Variants in FSTL5 observed in about 807,000 individuals in gnomAD.
FSTL5 encodes follistatin like 5, also known as follistatin-related protein 5.
In FSTL5, 62 loss-of-function variants were observed where a neutral mutation model predicts 89.1. The ratio of observed to expected loss-of-function variants is 0.70; its 90% CI spans 0.57 to 0.86. FSTL5 has a LOEUF of 0.86. Ranked by LOEUF, FSTL5 falls within the 40% of genes least tolerant of loss-of-function variation. The pLI is 0.00. For synonymous variants in FSTL5, 383 were observed against 346.2 expected (o/e 1.11, Z -1.18); for missense variants, 1,057 against 1,001.6 (o/e 1.06, Z -0.75).
At chr4:161,554,643 CACTG>C (rs1321144947) in intron 8 of FSTL5, among the ~76,000 whole-genome samples, 2 of 151,640 alleles carry the variant, frequency 1.3e-5, no homozygotes, top group African/African-American at 4.8e-5. Flanking sequence ...AACAACTAAG[CACTG>C]ACTATTTTTT....
At chr4:161,602,893 T>C (rs1435651274) in intron 7 of FSTL5, among the ~76,000 whole-genome samples, 2 of 152,116 alleles carry the variant, frequency 1.3e-5, no homozygotes, top group African/African-American at 4.8e-5. Flanking sequence ...ATCTGCATTG[T>C]AAGAAATCCT....
chr4:162,019,429 TA>T lies in FSTL5; in HGVS notation c.160+14195del, dbSNP rs768761074. ...CATTGTTTTTCTGGATTATACCTTA[TA>T]AAAAATGACTGAAAGAGAATATATT... On this transcript the variant is annotated intron_variant, in intron 3 of 15. Coordinates refer to ENST00000306100, the MANE Select transcript of FSTL5 (RefSeq NM_020116.5). 1.7e-4 allele frequency among the ~76,000 whole-genome samples: 26 copies of T among 152,134 alleles called. No homozygotes were observed. In the South Asian group the frequency reaches 3.3e-3, roughly 19 times the overall value.
At chr4:161,618,692 T>C (rs1045739188) in intron 7 of FSTL5, among the ~76,000 whole-genome samples, 6 of 152,182 alleles carry the variant, frequency 3.9e-5, no homozygotes, top group Non-Finnish European at 5.9e-5. Context: ...TCATGGTGGA[T>C]AACCTTTTTG....
intron 4 of FSTL5, among the ~76,000 whole-genome samples, chr4:161,864,355 T>G (rs2126893261): frequency 6.6e-6 from 1 of 152,280 alleles, no homozygotes; most frequent in South Asian, 2.1e-4. Context: ...AGACAATATC[T>G]AAGTCATGTG....
At chr4:161,734,471 T>C (rs1340416249) in intron 6 of FSTL5, among the ~76,000 whole-genome samples, 1 of 152,210 alleles carries the variant, frequency 6.6e-6, no homozygotes, top group Non-Finnish European at 1.5e-5. Flanking sequence ...ACATGTCTCT[T>C]ATCTCTGGGC....
At chr4:161,407,227 T>C (rs567777098) in intron 15 of FSTL5, among the ~76,000 whole-genome samples, 5 of 152,208 alleles carry the variant, frequency 3.3e-5, no homozygotes, top group Admixed American at 6.5e-5. Context: ...CTCTAGAATC[T>C]CCTTGGAGAA....
intron 8 of FSTL5, among the ~76,000 whole-genome samples, chr4:161,572,405 G>A (rs1733051620): frequency 6.6e-6 from 1 of 150,616 alleles, no homozygotes; most frequent in Admixed American, 6.6e-5. Context: ...CTGACAAGTG[G>A]CAAAAGTGCT....
chr4:161,920,566 C>T lies in FSTL5; in HGVS notation c.247G>A (p.Gly83Arg). The T allele has an allele frequency of 6.2e-7, 1 of 1,613,970 alleles. No individual in the cohort carries two copies. The highest frequency in any genetic ancestry group is 8.5e-7 in the Non-Finnish European group (1 of 1,179,964). The change falls in exon 4 of 16, where the codon GGG (glycine) becomes AGG (arginine). Residue 83 changes from glycine (G) to arginine (R), a missense_variant. By Grantham distance (125) the Gly-to-Arg change is moderately radical. Around this residue, in one of 3 missense-constraint regions of FSTL5, gnomAD observed 980 missense variants for 903.2 expected, o/e 1.08. Coordinates refer to ENST00000306100, the MANE Select transcript of FSTL5 (RefSeq NM_020116.5). ...GRHCVTSRET[G>R]QAECACMDLC... ...TCCATACAGGCACATTCTGCTTGCCCTGTCTCTCTGCTGGTAACACAGTGT... is the reference window on the plus strand; with the variant it reads ...TCCATACAGGCACATTCTGCTTGCCTTGTCTCTCTGCTGGTAACACAGTGT...
intron 3 of FSTL5, among the ~76,000 whole-genome samples, chr4:162,018,695 C>T (rs1434015710): frequency 3.3e-5 from 5 of 151,646 alleles, no homozygotes; most frequent in Non-Finnish European, 5.9e-5. Context: ...AGTATTTTTT[C>T]TCAAGTTCCA....
chr4:162,139,075 T>G (rs1433954729), intron 1 of FSTL5, among the ~76,000 whole-genome samples: 1 of 152,076 alleles, frequency 6.6e-6, no homozygotes, highest in Non-Finnish European at 1.5e-5. Flanking sequence ...CCCCATATCT[T>G]TTCAGTTACT....
chr4:161,458,885 T>A (rs1414849590), intron 14 of FSTL5, among the ~76,000 whole-genome samples: 1 of 152,218 alleles, frequency 6.6e-6, no homozygotes, highest in Non-Finnish European at 1.5e-5. Context: ...GCTGTCGAAT[T>A]CTCTTTGTCT....
At chr4:161,937,164 C>G (rs1275098265) in intron 3 of FSTL5, among the ~76,000 whole-genome samples, 1 of 151,872 alleles carries the variant, frequency 6.6e-6, no homozygotes, top group Non-Finnish European at 1.5e-5. Context: ...CATAACAAAA[C>G]CTGTAATTTA....
intron 3 of FSTL5, among the ~76,000 whole-genome samples, chr4:161,962,838 G>A (rs1008652856): frequency 1.3e-5 from 2 of 151,900 alleles, no homozygotes; most frequent in African/African-American, 4.8e-5. Context: ...TATTTCTGAA[G>A]ACACTGTAAG....
Position 162,161,976 on chromosome 4 carries a change from A to G in FSTL5, c.-17+1639T>C, listed in dbSNP as rs569717747. 5.9e-5 allele frequency among the ~76,000 whole-genome samples: 9 copies of G among 152,112 alleles called. No homozygotes were observed. The South Asian group carries it at 1.9e-3, about 32-fold the overall frequency. On this transcript the variant is annotated intron_variant, in intron 1 of 15. Transcript: ENST00000306100. Reference sequence around the variant, plus strand: ...TTTATATATTCTTTTTTGCCCCTCTACCCAATCCAGGCTTTCAAAATTTGT... The same window carrying G: ...TTTATATATTCTTTTTTGCCCCTCTGCCCAATCCAGGCTTTCAAAATTTGT...
chr4:161,449,316 T>C (rs1733067273), intron 15 of FSTL5, among the ~76,000 whole-genome samples: 1 of 152,212 alleles, frequency 6.6e-6, no homozygotes, highest in Non-Finnish European at 1.5e-5. Context: ...ATCAATTTCC[T>C]AACTGCTGCA....
intron 15 of FSTL5, among the ~76,000 whole-genome samples, chr4:161,392,621 G>A (rs1213336152): frequency 6.6e-6 from 1 of 152,090 alleles, no homozygotes; most frequent in African/African-American, 2.4e-5. Context: ...ACATGAAACT[G>A]ACAACTATGT....
intron 15 of FSTL5, among the ~76,000 whole-genome samples, chr4:161,414,881 A>T (rs73860614): frequency 3.3e-5 from 5 of 152,186 alleles, no homozygotes; most frequent in African/African-American, 1.2e-4. Context: ...CTGGTCTCCT[A>T]TGTCTTAGTT....
At chr4:161,747,149 G>C (rs1740229714) in intron 6 of FSTL5, among the ~76,000 whole-genome samples, 1 of 152,120 alleles carries the variant, frequency 6.6e-6, no homozygotes, top group Non-Finnish European at 1.5e-5. Flanking sequence ...ATAATGTCAT[G>C]TAATAAGAAC....
chr4:161,762,039 T>C (rs1283106918), intron 5 of FSTL5, among the ~76,000 whole-genome samples: 1 of 152,170 alleles, frequency 6.6e-6, no homozygotes, highest in Non-Finnish European at 1.5e-5. Context: ...CACATCTTTA[T>C]TGAGGTATGA....
Sources: allele counts gnomAD v4.1 joint callset (sites outside exome capture counted in the v4.1 genomes callset), GRCh38; gene constraint gnomAD v4.1.1; regional missense constraint gnomAD v4.1.1; transcripts MANE v1.5; gene names NCBI Gene and HGNC (gene_info 2026-07-23, HGNC 2026-07-21).